The following UIMC1 variants were observed in gnomAD, a reference collection of about 807,000 sequenced individuals.
UIMC1 encodes the protein BRCA1-A complex subunit RAP80.
UIMC1 carries 42 observed loss-of-function variants against 84.9 expected under a neutral mutation model. The ratio of observed to expected loss-of-function variants is 0.49; its 90% CI spans 0.39 to 0.64. The LOEUF (loss-of-function observed/expected upper bound fraction) is 0.64, where lower values mean the gene tolerates loss of function less well. UIMC1 is among the 30% of genes least tolerant of loss of function. The pLI, the probability that UIMC1 is intolerant of heterozygous loss-of-function variation, is 0.00. For missense variants in UIMC1, 825 were observed against 847.6 expected (o/e 0.97, Z 0.33); for synonymous variants, 281 against 293.0 (o/e 0.96, Z 0.42).
intron 9 of UIMC1, among the ~76,000 whole-genome samples, chr5:176,947,726 G>A (rs564264447): frequency 1.3e-5 from 2 of 151,916 alleles, no homozygotes; most frequent in Non-Finnish European, 2.9e-5. Flanking sequence ...GCTGAGGCAG[G>A]AGAATGATGT....
At chr5:176,982,752 T>C (rs1771243173) in intron 1 of UIMC1, 129 bp from the exon 2 acceptor site, 9 of 1,091,962 alleles carry the variant, frequency 8.2e-6, no homozygotes, top group Non-Finnish European at 1.1e-5. Flanking sequence ...CAGGCTGGAG[T>C]GCAATGGCAC....
chr5:176,945,495 T>C (rs932700465), intron 9 of UIMC1, among the ~76,000 whole-genome samples: 1 of 152,220 alleles, frequency 6.6e-6, no homozygotes, highest in African/African-American at 2.4e-5. Flanking sequence ...GTTGGACTGC[T>C]AGAACGAGTC....
intron 10 of UIMC1, among the ~76,000 whole-genome samples, chr5:176,937,899 A>C (rs1763902552): frequency 6.6e-6 from 1 of 152,112 alleles, no homozygotes; most frequent in Non-Finnish European, 1.5e-5. Flanking sequence ...TGTCTTCAAG[A>C]AAAGTAACTT....
At chr5:177,001,788 A>T (rs976945665) in intron 1 of UIMC1, among the ~76,000 whole-genome samples, 52 of 151,576 alleles carry the variant, frequency 3.4e-4, no homozygotes, top group African/African-American at 1.2e-3. Context: ...AAAAAAAAAA[A>T]AAATACAAAA....
At chr5:177,016,742 G>T (rs1365249766) in intron 1 of UIMC1, among the ~76,000 whole-genome samples, 1 of 150,976 alleles carries the variant, frequency 6.6e-6, no homozygotes, top group African/African-American at 2.4e-5. Context: ...TATCCAGTAG[G>T]CCGGGCGCGG....
intron 1 of UIMC1, among the ~76,000 whole-genome samples, chr5:177,004,058 G>C (rs975343420): frequency 6.6e-6 from 1 of 152,164 alleles, no homozygotes; most frequent in Non-Finnish European, 1.5e-5. Flanking sequence ...TTGAGCTCCT[G>C]GGTGCAAGCA....
chr5:176,929,360 G>A (rs559477798), intron 10 of UIMC1, among the ~76,000 whole-genome samples: 77 of 151,082 alleles, frequency 5.1e-4, no homozygotes, highest in African/African-American at 1.8e-3. Flanking sequence ...TCAGGAGATC[G>A]AGACCATCCT....
At chr5:176,933,527 ATTTT>A (rs11333768) in intron 10 of UIMC1, among the ~76,000 whole-genome samples, 3 of 147,870 alleles carry the variant, frequency 2.0e-5, no homozygotes, top group South Asian at 2.1e-4. Context: ...GCTAGTTTAG[ATTTT>A]TTTTTTTTTC....
chr5:177,003,609 C>T (rs1296249205), intron 1 of UIMC1, among the ~76,000 whole-genome samples: 1 of 152,096 alleles, frequency 6.6e-6, no homozygotes, highest in Non-Finnish European at 1.5e-5. Context: ...GCCAAGACTG[C>T]GCCACTGCAC....
intron 10 of UIMC1, among the ~76,000 whole-genome samples, chr5:176,924,291 C>T (rs1222532698): frequency 1.3e-5 from 2 of 151,078 alleles, no homozygotes; most frequent in African/African-American, 2.4e-5. Flanking sequence ...GCACTCCAGC[C>T]TGGGGGACAA....
intron 6 of UIMC1, among the ~76,000 whole-genome samples, chr5:176,963,159 A>T (rs1465839310): frequency 0.028 from 27 of 972 alleles, 1 homozygote; most frequent in South Asian, 0.22. Flanking sequence ...AAATAAATTA[A>T]AAAAAAAAAA....
Position 176,949,097 on chromosome 5 carries a change from A to C in UIMC1, c.1443+2377T>G, listed in dbSNP as rs1765509540. ...AACTCCAGTTTTCCCCTTTTTAAAA[A>C]AATTTATTTATTTATTTTTTTAAAT... On this transcript the variant is annotated intron_variant, in intron 9 of 14. Coordinates refer to ENST00000511320, the MANE Select transcript of UIMC1 (RefSeq NM_001199298.2). Among the ~76,000 whole-genome samples the C allele has an allele frequency of 2.6e-5, 4 of 151,748 alleles. No individual in the cohort carries two copies. The South Asian group carries it at 8.3e-4, about 32-fold the overall frequency.
intron 10 of UIMC1, among the ~76,000 whole-genome samples, chr5:176,924,679 T>C (rs1384253071): frequency 6.6e-6 from 1 of 152,040 alleles, no homozygotes; most frequent in Non-Finnish European, 1.5e-5. Flanking sequence ...TAGAAAATAA[T>C]AACCATAAAG....
intron 1 of UIMC1, among the ~76,000 whole-genome samples, chr5:176,992,622 C>T (rs1773048254): frequency 6.6e-6 from 1 of 151,238 alleles, no homozygotes; most frequent in South Asian, 2.1e-4. Context: ...AATAGCAAGG[C>T]CTTGTCTCTA....
intron 14 of UIMC1, 98 bp downstream of exon 14, chr5:176,905,913 G>C: frequency 7.7e-7 from 1 of 1,303,404 alleles, no homozygotes; most frequent in Non-Finnish European, 1.1e-6. Flanking sequence ...GATTTCTACT[G>C]CAACAGTCTG....
intron 1 of UIMC1, among the ~76,000 whole-genome samples, chr5:176,986,220 C>T (rs1433217150): frequency 1.3e-5 from 2 of 151,340 alleles, no homozygotes; most frequent in African/African-American, 2.4e-5. Context: ...ATTAGCTCGG[C>T]GTGGTGGCGT....
intron 1 of UIMC1, among the ~76,000 whole-genome samples, chr5:176,988,130 C>CAAAA (rs35059681): frequency 2.2e-5 from 2 of 90,212 alleles, no homozygotes; most frequent in Non-Finnish European, 2.2e-5. Context: ...CGCCCCTGTC[C>CAAAA]AAAAAAAAAA....
chr5:176,978,768 C>T (rs1581621123), intron 2 of UIMC1, among the ~76,000 whole-genome samples: 1 of 152,096 alleles, frequency 6.6e-6, no homozygotes, highest in African/African-American at 2.4e-5. Context: ...AAAAACTACT[C>T]CATCATCTTG....
intron 10 of UIMC1, among the ~76,000 whole-genome samples, chr5:176,936,763 T>C (rs1201643577): frequency 6.6e-6 from 1 of 152,178 alleles, no homozygotes; most frequent in Non-Finnish European, 1.5e-5. Flanking sequence ...ATTCCCTCAC[T>C]TACTCTAGGC....
Sources: allele counts gnomAD v4.1 joint callset (sites outside exome capture counted in the v4.1 genomes callset), GRCh38; gene constraint gnomAD v4.1.1; transcripts MANE v1.5; gene names NCBI Gene and HGNC (gene_info 2026-07-23, HGNC 2026-07-21).